PKLR: variants seen among roughly 807,000 people sequenced by gnomAD.
The protein encoded by PKLR is pyruvate kinase PKLR.
Under a neutral mutation model 53.6 loss-of-function variants are expected in PKLR, and 38 were observed. The ratio of observed to expected loss-of-function variants is 0.71; its 90% CI spans 0.55 to 0.93. The LOEUF (loss-of-function observed/expected upper bound fraction) is 0.93. Ranked by LOEUF, PKLR falls within the 40% of genes least tolerant of loss-of-function variation. PKLR has a pLI of 0.00. For synonymous variants in PKLR, 328 were observed against 316.2 expected (o/e 1.04, Z -0.39); for missense variants, 702 against 787.3 (o/e 0.89, Z 1.30).
chr1:155,302,258 A>C (rs1178768203), upstream of PKLR, among the ~76,000 whole-genome samples: 1 of 125,492 alleles, frequency 8.0e-6, no homozygotes, highest in Non-Finnish European at 1.6e-5. Context: ...TTTTTTTGAG[A>C]CTGAGTCTGA....
chr1:155,299,030 CTTTCTCT>C (rs1437315560), intron 2 of PKLR, among the ~76,000 whole-genome samples: 984 of 84,684 alleles, frequency 0.012, 59 homozygotes, highest in African/African-American at 0.036. Context: ...TTCTTTCTTT[CTTTCTCT>C]TTCTTTCTTT....
intron 9 of PKLR, among the ~76,000 whole-genome samples, chr1:155,292,246 A>T (rs1647255018): frequency 6.6e-6 from 1 of 152,002 alleles, no homozygotes. Flanking sequence ...ATTAAGAAAA[A>T]AAAAAGAAAG....
intron 7 of PKLR, 63 bp downstream of exon 7, chr1:155,294,172 G>T: frequency 2.0e-6 from 3 of 1,537,420 alleles, no homozygotes; most frequent in Admixed American, 1.7e-5. Context: ...TACAGTGTGG[G>T]TATTCACCCA....
chr1:155,306,089 A>G (rs1648227413), upstream of PKLR, among the ~76,000 whole-genome samples: 1 of 152,160 alleles, frequency 6.6e-6, no homozygotes, highest in African/African-American at 2.4e-5. The surrounding 1 kb of genome is among the most constrained non-coding windows in gnomAD (Gnocchi z 4.2). Flanking sequence ...AGACACTTTG[A>G]CCTGAAATCA....
Position 155,300,852 on chromosome 1 carries a change from T to C in PKLR, c.100+444A>G, listed in dbSNP as rs1647953124. Reference sequence around the variant, plus strand: ...GTCCCTGTAGCTTGACCCATCCCAGTTCAGAGGAGCCCCCGATTCCAGCCG... The same window carrying C: ...GTCCCTGTAGCTTGACCCATCCCAGCTCAGAGGAGCCCCCGATTCCAGCCG... On this transcript the variant is annotated intron_variant, in intron 1 of 10. Coordinates refer to ENST00000342741, the MANE Select transcript of PKLR (RefSeq NM_000298.6). 1.9e-6 allele frequency: 3 copies of C among 1,609,984 alleles called. No individual in the cohort carries two copies. In the Admixed American group the frequency reaches 5.0e-5, roughly 27 times the overall value.
rs1197316603 is a variant in PKLR at position 155,295,945 on chromosome 1, G to A, written c.284-189C>T. Among the ~76,000 whole-genome samples, 1 of 152,164 alleles carries A rather than the reference G, an allele frequency of 6.6e-6. No individual in the cohort carries two copies. The highest frequency in any genetic ancestry group is 1.5e-5 in the Non-Finnish European group (1 of 68,012). ...CTCTCAAGCCAACATCCATCCCCTTGGGGAGGCAGCAGTGTGGAAATCGGA... is the reference window on the plus strand; with the variant it reads ...CTCTCAAGCCAACATCCATCCCCTTAGGGAGGCAGCAGTGTGGAAATCGGA... On this transcript the variant is annotated intron_variant, in intron 2 of 10. Transcript: ENST00000342741. The surrounding 1 kb of genome is among the most constrained non-coding windows in gnomAD (Gnocchi z 4.3).
At chr1:155,300,905 T>C (rs1326445812) in intron 1 of PKLR, 2 of 1,608,894 alleles carry the variant, frequency 1.2e-6, no homozygotes, top group Non-Finnish European at 1.7e-6. Flanking sequence ...CACACCTCTC[T>C]GGGTCTCCCT....
chr1:155,294,560 G>T lies in PKLR; in HGVS notation c.887C>A (p.Ala296Asp), dbSNP rs1171887541. The change falls in exon 6 of 11, where the codon GCC (alanine) becomes GAC (aspartate). Residue 296 changes from alanine to aspartate, a missense_variant. By Grantham distance (126) the Ala-to-Asp change is moderately radical. Coordinates refer to ENST00000342741, the MANE Select transcript of PKLR (RefSeq NM_000298.6). ...TTCCGGACCCAGAGCAGCCCTGACG[G>T]CAGCCACGTCGCTGGCTTTCCGCAC... ...SFVRKASDVA[A>D]VRAALGPEGH... 6 of 1,614,208 alleles carry T rather than the reference G, an allele frequency of 3.7e-6. No individual in the cohort carries two copies. The highest frequency in any genetic ancestry group is 5.1e-6 in the Non-Finnish European group (6 of 1,180,022).
chr1:155,301,435 A>G lies in PKLR; in HGVS notation c.-40T>C. The G allele has an allele frequency of 6.2e-7, 1 of 1,613,954 alleles. No individual in the cohort carries two copies. The highest frequency in any genetic ancestry group is 8.5e-7 in the Non-Finnish European group (1 of 1,179,948). ...CCTGGGGCTGCGGGACCATGGAATG[A>G]GAGGGAGAGGATGACAAAACTGCTG... On this transcript the variant is annotated 5_prime_UTR_variant, in exon 1 of 11. Transcript: ENST00000342741.
Position 155,295,277 on chromosome 1 carries a change from A to G in PKLR, c.533T>C (p.Val178Ala). The change falls in exon 5 of 11, where the codon GTG becomes GCG. Residue 178 changes from valine (V) to alanine (A), a missense_variant. This residue lies in a region of PKLR where 519 missense variants were observed against 537.1 expected (regional missense o/e 0.97). Coordinates refer to ENST00000342741, the MANE Select transcript of PKLR (RefSeq NM_000298.6). This position sits in a 1 kb window ranked among gnomAD's most constrained non-coding sequence, Gnocchi z 4.3. ...AGTCACCAGCACCTGGGAGCCCTTC[A>G]CCAGCTCCACTTCCGACTCTGGACC... ...QGGPESEVEL[V>A]KGSQVLVTVD... The G allele has an allele frequency of 6.2e-7, 1 of 1,614,022 alleles. No homozygotes were observed. The highest frequency in any genetic ancestry group is 8.5e-7 in the Non-Finnish European group (1 of 1,179,974).
At chr1:155,299,004 TTC>T (rs1392446410) in intron 2 of PKLR, among the ~76,000 whole-genome samples, 6 of 101,086 alleles carry the variant, frequency 5.9e-5, no homozygotes, top group African/African-American at 2.6e-4. Context: ...CTTTCTTTCT[TTC>T]TTTCTTTCTT....
rs1674479977 is a variant in PKLR, at chr1:155,290,461, G to A, written c.*111C>T. Reference sequence around the variant, plus strand: ...TCAGGTAGGGAGGGTCAGGAATAGAGAAGAGAGGACTTAAAGGTGGGGCTT... The same window carrying A: ...TCAGGTAGGGAGGGTCAGGAATAGAAAAGAGAGGACTTAAAGGTGGGGCTT... On this transcript the variant is annotated 3_prime_UTR_variant, in exon 11 of 11. Coordinates refer to ENST00000342741, the MANE Select transcript of PKLR (RefSeq NM_000298.6). The A allele has an allele frequency of 4.2e-6, 3 of 717,238 alleles. No individual in the cohort carries two copies. The highest frequency in any genetic ancestry group is 2.0e-5 in the Admixed American group (1 of 49,902). 44.4% of individuals were successfully genotyped at this position (717,238 alleles called of 1,614,324 possible). A position where few individuals can be genotyped will look rare whatever the true frequency, so the allele number is the denominator to read the frequency against.
chr1:155,304,064 T>C (rs1221844810), upstream of PKLR, among the ~76,000 whole-genome samples: 1 of 152,178 alleles, frequency 6.6e-6, no homozygotes, highest in East Asian at 1.9e-4. Context: ...GAGCAGGATC[T>C]TGTAATGTGG....
chr1:155,296,165 C>A (rs750066357), intron 2 of PKLR, among the ~76,000 whole-genome samples: 2 of 152,148 alleles, frequency 1.3e-5, no homozygotes, highest in Non-Finnish European at 2.9e-5. Flanking sequence ...GAGCTGAGTT[C>A]TATCCCATGC....
Position 155,295,369 on chromosome 1 carries a change from C to T in PKLR, c.508-67G>A, listed in dbSNP as rs1160652789. 3.7e-6 allele frequency: 6 copies of T among 1,613,004 alleles called. No homozygotes were observed. The East Asian group carries it at 8.9e-5, about 24-fold the overall frequency. On this transcript the variant is annotated intron_variant, in intron 4 of 10. Transcript: ENST00000342741. This position sits in a 1 kb window ranked among gnomAD's most constrained non-coding sequence, Gnocchi z 4.3. ...AGTCCGGGACCCGCCCCTGCCCACG[C>T]CTGGGCCCAACCCTACAGGCGCCGC...
chr1:155,295,196 G>A lies in PKLR; in HGVS notation c.614C>T (p.Pro205Leu). 1 of 1,614,142 alleles carries A rather than the reference G, an allele frequency of 6.2e-7. No individual in the cohort carries two copies. The highest frequency in any genetic ancestry group is 8.5e-7 in the Non-Finnish European group (1 of 1,180,002). The change falls in exon 5 of 11, where the codon CCC (proline) becomes CTC (leucine). Residue 205 changes from proline to leucine, a missense_variant. Physicochemically the swap from Pro to Leu is moderately conservative, Grantham distance 98 (BLOSUM62 -3). This residue lies in a region of PKLR where 519 missense variants were observed against 537.1 expected (regional missense o/e 0.97). Coordinates refer to ENST00000342741, the MANE Select transcript of PKLR (RefSeq NM_000298.6). The surrounding 1 kb of genome is among the most constrained non-coding windows in gnomAD (Gnocchi z 4.3). ...GNANTVWVDY[P>L]NIVRVVPVGG... ...CACCGGCACGACCCGGACAATATTG[G>A]GGTAGTCCACCCACACGGTGTTCGC...
chr1:155,300,996 TAA>T (rs1369878806), intron 1 of PKLR: 2 of 1,554,836 alleles, frequency 1.3e-6, no homozygotes, highest in Non-Finnish European at 1.7e-6. Flanking sequence ...GCAGACTGGT[TAA>T]AGTGTCACCA....
chr1:155,295,468 C>T lies in PKLR; in HGVS notation c.476G>A (p.Gly159Glu). Residue 159 changes from glycine to glutamate, a missense_variant, in exon 4 of 11, where the codon GGA (glycine) becomes GAA (glutamate). This residue lies in a region of PKLR where 519 missense variants were observed against 537.1 expected (regional missense o/e 0.97). Transcript: ENST00000342741. This position sits in a 1 kb window ranked among gnomAD's most constrained non-coding sequence, Gnocchi z 4.3. The part of the protein sequence containing the change: ...RPVAIALDTK[G>E]PEIRTGILQG... ...CAGGATCCCAGTGCGGATCTCCGGTCCCTTGGTGTCCAGGGCGATGGCCAC... is the reference window on the plus strand; with the variant it reads ...CAGGATCCCAGTGCGGATCTCCGGTTCCTTGGTGTCCAGGGCGATGGCCAC... 1.2e-6 allele frequency: 2 copies of T among 1,608,894 alleles called. No homozygotes were observed. Among genetic ancestry groups the T allele is most frequent in the Non-Finnish European group, 1.7e-6 (2 of 1,177,868 alleles).
chr1:155,300,034 T>C lies in PKLR; in HGVS notation c.283+64A>G, dbSNP rs1016847161. Reference sequence around the variant, plus strand: ...GAGAAGTCTCAAAGGAGACAAAAGATGAAGAAGCACCTCAAGAAATACCAA... The same window carrying C: ...GAGAAGTCTCAAAGGAGACAAAAGACGAAGAAGCACCTCAAGAAATACCAA... On this transcript the variant is annotated intron_variant, in intron 2 of 10. Coordinates refer to ENST00000342741, the MANE Select transcript of PKLR (RefSeq NM_000298.6). The C allele has an allele frequency of 1.0e-5, 15 of 1,470,038 alleles. No homozygotes were observed. In the African/African-American group the frequency reaches 2.1e-4, roughly 20 times the overall value. The allele number at this position is 1,470,038 out of a possible 1,614,324, so 91.1% of individuals were successfully genotyped here.
Sources: allele counts gnomAD v4.1 joint callset (sites outside exome capture counted in the v4.1 genomes callset), GRCh38; gene constraint gnomAD v4.1.1; regional missense constraint gnomAD v4.1.1; non-coding constraint Gnocchi (gnomAD v3.1); transcripts MANE v1.5; gene names NCBI Gene and HGNC (gene_info 2026-07-23, HGNC 2026-07-21).